PLD1: variants seen among roughly 807,000 people sequenced by gnomAD.
The protein encoded by PLD1 is phospholipase D1.
A neutral mutation model predicts 137.1 loss-of-function variants in PLD1; 112 were observed. That is an observed-to-expected ratio of 0.82 (90% confidence interval 0.70 to 0.96). The LOEUF (loss-of-function observed/expected upper bound fraction) is 0.96, where lower values mean the gene tolerates loss of function less well. PLD1 is among the 40% of genes least tolerant of loss of function. The pLI is 0.00. For missense variants in PLD1, 1,321 were observed against 1,342.0 expected, an observed-to-expected ratio of 0.98 and a Z score of 0.24; for synonymous variants, 431 against 454.7, an observed-to-expected ratio of 0.95 and a Z score of 0.66.
chr3:171,662,481 A>G (rs1195462725), intron 19 of PLD1, among the ~76,000 whole-genome samples: 1 of 152,138 alleles, frequency 6.6e-6, no homozygotes, highest in African/African-American at 2.4e-5. Flanking sequence ...GGTTTCTACA[A>G]AGACTATTTC....
At chr3:171,618,736 G>C (rs1733332840) in intron 24 of PLD1, among the ~76,000 whole-genome samples, 1 of 151,646 alleles carries the variant, frequency 6.6e-6, no homozygotes. Flanking sequence ...GTGTGTGTGT[G>C]TGTGTGTGTG....
chr3:171,674,994 AAAAAAG>A (rs1233010658), intron 18 of PLD1, among the ~76,000 whole-genome samples: 1 of 148,692 alleles, frequency 6.7e-6, no homozygotes, highest in Non-Finnish European at 1.5e-5. Context: ...AAAAAAAAAA[AAAAAAG>A]AAAAAGAAAA....
chr3:171,752,750 G>T (rs1720749609), intron 1 of PLD1, among the ~76,000 whole-genome samples: 1 of 152,222 alleles, frequency 6.6e-6, no homozygotes, highest in Non-Finnish European at 1.5e-5. Context: ...CTATATGTGT[G>T]TATGTGTCTT....
intron 11 of PLD1, among the ~76,000 whole-genome samples, chr3:171,707,993 C>T (rs573737840): frequency 1.2e-4 from 19 of 152,140 alleles, no homozygotes; most frequent in Non-Finnish European, 2.4e-4. Flanking sequence ...GGAAGAAAAC[C>T]GGATAGAGTA....
At chr3:171,661,529 A>C (rs1366179505) in intron 20 of PLD1, among the ~76,000 whole-genome samples, 1 of 152,132 alleles carries the variant, frequency 6.6e-6, no homozygotes, top group Non-Finnish European at 1.5e-5. Flanking sequence ...GGATGAAAAA[A>C]AGCTTCCTAA....
At chr3:171,623,580 C>T (rs1733830937) in intron 23 of PLD1, among the ~76,000 whole-genome samples, 1 of 151,866 alleles carries the variant, frequency 6.6e-6, no homozygotes, top group Admixed American at 6.6e-5. Flanking sequence ...CCTCGGCCTC[C>T]CAAAGTGCTG....
intron 1 of PLD1, among the ~76,000 whole-genome samples, chr3:171,803,190 T>C (rs979591195): frequency 2.0e-5 from 3 of 152,154 alleles, no homozygotes; most frequent in Non-Finnish European, 2.9e-5. Context: ...AAGGGTTAAA[T>C]TGAATGCAGT....
intron 1 of PLD1, among the ~76,000 whole-genome samples, chr3:171,753,400 G>A (rs370155963): frequency 2.0e-5 from 3 of 152,146 alleles, no homozygotes; most frequent in South Asian, 4.2e-4. Context: ...GTGTGCACCA[G>A]CCAGACTGAT....
At chr3:171,636,097 T>C (rs1735110377) in intron 23 of PLD1, among the ~76,000 whole-genome samples, 2 of 149,346 alleles carry the variant, frequency 1.3e-5, no homozygotes, top group Non-Finnish European at 3.0e-5. Context: ...TAATTGACCA[T>C]AATCATAAGA....
At position 171,729,962 on chromosome 3, in the gene PLD1, T is replaced by A. The variant is rs555641590; in HGVS notation, c.606+3482A>T. ...GGATAAGAAATCTGAGTCACATAAGTTAAATGATTTACTTCAAGGTAGAGA... is the reference window on the plus strand; with the variant it reads ...GGATAAGAAATCTGAGTCACATAAGATAAATGATTTACTTCAAGGTAGAGA... On this transcript the variant is annotated intron_variant, in intron 6 of 26. Transcript: ENST00000351298. 3.9e-5 allele frequency among the ~76,000 whole-genome samples: 6 copies of A among 152,306 alleles called. No homozygotes were observed. The East Asian group carries it at 1.2e-3, about 29-fold the overall frequency.
In PLD1 at chr3:171,719,171, G is replaced by A. The variant is rs191850967; in HGVS notation, c.759-5126C>T. On this transcript the variant is annotated intron_variant, in intron 8 of 26. Coordinates refer to ENST00000351298, the MANE Select transcript of PLD1 (RefSeq NM_002662.5). ...GCAATTCCATGGATGGTCTCTTCTT[G>A]TCAATCAAACCTCTCCTTAAAAATC... 1.4e-4 allele frequency among the ~76,000 whole-genome samples: 21 copies of A among 152,088 alleles called. No homozygotes were observed. The East Asian group carries it at 4.0e-3, about 29-fold the overall frequency.
intron 1 of PLD1, among the ~76,000 whole-genome samples, chr3:171,750,688 G>C (rs1198750379): frequency 3.3e-5 from 5 of 152,190 alleles, no homozygotes; most frequent in Non-Finnish European, 7.4e-5. Context: ...CCACACTAAT[G>C]ACGATAAACT....
intron 19 of PLD1, among the ~76,000 whole-genome samples, chr3:171,671,958 T>C (rs1021435418): frequency 2.7e-5 from 4 of 150,754 alleles, no homozygotes; most frequent in Middle Eastern, 3.5e-3. Context: ...CCAAATTCAC[T>C]AGGACAGCAC....
intron 23 of PLD1, among the ~76,000 whole-genome samples, chr3:171,623,866 T>A (rs9823244): frequency 0.17 from 26,516 of 151,924 alleles, 2,413 homozygotes; most frequent in South Asian, 0.24. Context: ...AAATTTTTTT[T>A]AACAAGAATA....
chr3:171,633,985 T>C (rs1345638238), intron 23 of PLD1, among the ~76,000 whole-genome samples: 1 of 152,228 alleles, frequency 6.6e-6, no homozygotes, highest in Non-Finnish European at 1.5e-5. Context: ...ATTAAAACAG[T>C]AGAGAACTAT....
intron 11 of PLD1, among the ~76,000 whole-genome samples, chr3:171,702,727 AC>A (rs1241461434): frequency 6.6e-6 from 1 of 152,166 alleles, no homozygotes. Flanking sequence ...AGGGAAAACT[AC>A]AGACTTTGCC....
chr3:171,738,778 A>T (rs1296155133), intron 1 of PLD1, among the ~76,000 whole-genome samples: 1 of 152,172 alleles, frequency 6.6e-6, no homozygotes, highest in Non-Finnish European at 1.5e-5. Context: ...GTTCTATTTC[A>T]TTCTGACATT....
At chr3:171,623,312 A>ATTTTTTTTTTTTT (rs760981558) in intron 23 of PLD1, among the ~76,000 whole-genome samples, 4 of 138,964 alleles carry the variant, frequency 2.9e-5, no homozygotes, top group Non-Finnish European at 3.1e-5. Flanking sequence ...GCCCTATCAG[A>ATTTTTTTTTTTTT]CTTTTTTTTT....
intron 1 of PLD1, among the ~76,000 whole-genome samples, chr3:171,777,794 TA>T (rs900162775): frequency 2.0e-5 from 3 of 151,026 alleles, no homozygotes; most frequent in African/African-American, 7.3e-5. Context: ...CACCCTGCTT[TA>T]AAAAAAAACA....
Sources: gnomAD v4.1 joint callset for allele counts (sites outside exome capture counted in the v4.1 genomes callset) on GRCh38, gnomAD v4.1.1 for gene constraint, MANE v1.5 for transcripts, NCBI Gene and HGNC (gene_info 2026-07-23, HGNC 2026-07-21) for gene names.